IFT80: variants seen among roughly 807,000 people sequenced by gnomAD.
IFT80 encodes the protein intraflagellar transport protein 80 homolog.
In IFT80, 79 loss-of-function variants were observed where a neutral mutation model predicts 107.9. The ratio of observed to expected loss-of-function variants is 0.73; its 90% CI spans 0.61 to 0.88. IFT80 has a LOEUF of 0.88. Ranked by LOEUF, IFT80 falls within the 40% of genes least tolerant of loss-of-function variation. IFT80 has a pLI of 0.00. For synonymous variants in IFT80, 299 were observed against 300.9 expected (o/e 0.99, Z 0.07); for missense variants, 797 against 914.2 (o/e 0.87, Z 1.65).
intron 19 of IFT80, among the ~76,000 whole-genome samples, chr3:160,260,295 A>AT (rs1393138811): frequency 1.3e-5 from 2 of 152,278 alleles, no homozygotes; most frequent in African/African-American, 2.4e-5. Flanking sequence ...TGAAAGACTC[A>AT]TTTTTTCAAT....
chr3:160,304,394 T>C (rs1559928993), intron 10 of IFT80, among the ~76,000 whole-genome samples: 1 of 151,994 alleles, frequency 6.6e-6, no homozygotes, highest in Non-Finnish European at 1.5e-5. Flanking sequence ...ATATCTGGAT[T>C]AGAAATATGG....
chr3:160,375,706 C>G (rs867192223), intron 5 of IFT80, 106 bp downstream of exon 5: 1 of 756,580 alleles, frequency 1.3e-6, no homozygotes. Flanking sequence ...TGAACTCAAC[C>G]AAAGTCAGTC....
At chr3:160,339,794 TG>T (rs1313911218) in intron 8 of IFT80, among the ~76,000 whole-genome samples, 1 of 152,230 alleles carries the variant, frequency 6.6e-6, no homozygotes, top group East Asian at 1.9e-4. Context: ...AATGTTATTT[TG>T]AGGTGCTTGT....
intron 12 of IFT80, among the ~76,000 whole-genome samples, chr3:160,296,692 T>A (rs1403888654): frequency 6.6e-6 from 1 of 152,182 alleles, no homozygotes; most frequent in Non-Finnish European, 1.5e-5. Context: ...CAATTTGCTA[T>A]TCAACCTTAC....
intron 8 of IFT80, among the ~76,000 whole-genome samples, chr3:160,325,364 A>G (rs1718608307): frequency 6.6e-6 from 1 of 152,136 alleles, no homozygotes; most frequent in Non-Finnish European, 1.5e-5. Context: ...ACACTGGAAG[A>G]ACCAAATCAG....
chr3:160,385,335 G>C (rs73154567), intron 1 of IFT80, among the ~76,000 whole-genome samples: 22,841 of 152,104 alleles, frequency 0.15, 2,171 homozygotes, highest in Non-Finnish European at 0.21. Flanking sequence ...ATAAAAAAAA[G>C]AGAAATCAAG....
At chr3:160,373,299 T>C (rs1711690830) in intron 5 of IFT80, among the ~76,000 whole-genome samples, 1 of 152,330 alleles carries the variant, frequency 6.6e-6, no homozygotes, top group African/African-American at 2.4e-5. Flanking sequence ...CAATTCTTCA[T>C]TGTGAACATG....
chr3:160,264,001 T>G (rs1713080387), intron 19 of IFT80, among the ~76,000 whole-genome samples: 1 of 152,166 alleles, frequency 6.6e-6, no homozygotes, highest in African/African-American at 2.4e-5. Context: ...AACGTCTCAC[T>G]ATATTGCCCA....
chr3:160,374,264 G>C (rs1218056111), intron 5 of IFT80, among the ~76,000 whole-genome samples: 1 of 151,734 alleles, frequency 6.6e-6, no homozygotes, highest in Non-Finnish European at 1.5e-5. Flanking sequence ...TGGGAACATG[G>C]CAAAATCCCG....
At chr3:160,300,049 C>T (rs1716299600) in intron 12 of IFT80, among the ~76,000 whole-genome samples, 1 of 152,070 alleles carries the variant, frequency 6.6e-6, no homozygotes, top group Admixed American at 6.6e-5. Context: ...TCTGGCAGTT[C>T]CTTTAACATG....
At chr3:160,376,201 G>A (rs888967305) in intron 4 of IFT80, among the ~76,000 whole-genome samples, 2 of 152,136 alleles carry the variant, frequency 1.3e-5, no homozygotes, top group African/African-American at 2.4e-5. Flanking sequence ...TGTCACTGCA[G>A]TCTCCATCTT....
At chr3:160,281,491 A>G (rs1296586368) in intron 14 of IFT80, among the ~76,000 whole-genome samples, 5 of 152,218 alleles carry the variant, frequency 3.3e-5, no homozygotes, top group Non-Finnish European at 7.3e-5. Flanking sequence ...CAGGAATGTC[A>G]GGTGACCATC....
chr3:160,281,166 A>G (rs1211029070), intron 14 of IFT80, among the ~76,000 whole-genome samples: 1 of 152,080 alleles, frequency 6.6e-6, no homozygotes, highest in East Asian at 1.9e-4. Context: ...TTCAAGAGTC[A>G]CTCTTCTACA....
chr3:160,324,113 G>T (rs937899926), intron 8 of IFT80, among the ~76,000 whole-genome samples: 4 of 152,100 alleles, frequency 2.6e-5, no homozygotes, highest in African/African-American at 9.7e-5. Flanking sequence ...CCAGCAACAG[G>T]ATCTGAAATT....
At chr3:160,263,939 G>C (rs879884027) in intron 19 of IFT80, among the ~76,000 whole-genome samples, 1 of 152,120 alleles carries the variant, frequency 6.6e-6, no homozygotes, top group Admixed American at 6.5e-5. Context: ...CCAAAGTGCT[G>C]GGATTACAGG....
chr3:160,366,211 A>G, intron 5 of IFT80, 59 bp from the exon 6 acceptor site: 1 of 1,210,550 alleles, frequency 8.3e-7, no homozygotes, highest in African/African-American at 1.5e-5. Flanking sequence ...ATGCCTTATA[A>G]AAAGAGAGAT....
At chr3:160,294,859 T>C (rs1432790413) in intron 12 of IFT80, among the ~76,000 whole-genome samples, 2 of 152,170 alleles carry the variant, frequency 1.3e-5, no homozygotes, top group Non-Finnish European at 2.9e-5. Context: ...TTAGAGTTAG[T>C]GGAGGAAAAG....
At position 160,319,847 on chromosome 3, in the gene IFT80, A is replaced by AT. The variant is rs773858865; in HGVS notation, c.869dup (p.Asn290LysfsTer33). On this transcript the variant is annotated frameshift_variant, in exon 9 of 20. Transcript: ENST00000326448. LOFTEE classifies it high-confidence loss of function. ...CCACATGTGCAAAAACGACATGTCC[A>AT]TTTCCACAGGCTCCAGCAATCTGAG... 6.2e-7 allele frequency: 1 copy of AT among 1,612,978 alleles called. No homozygotes were observed. The highest frequency in any genetic ancestry group is 1.7e-5 in the Admixed American group (1 of 59,866).
At chr3:160,364,657 G>A (rs2108375348) in intron 6 of IFT80, among the ~76,000 whole-genome samples, 1 of 152,270 alleles carries the variant, frequency 6.6e-6, no homozygotes, top group South Asian at 2.1e-4. Flanking sequence ...ATACACCATG[G>A]AATACTATGC....
Sources: allele counts gnomAD v4.1 joint callset (sites outside exome capture counted in the v4.1 genomes callset), GRCh38; gene constraint gnomAD v4.1.1; transcripts MANE v1.5; gene names NCBI Gene and HGNC (gene_info 2026-07-23, HGNC 2026-07-21).